The following FBXL13 variants were observed in gnomAD, a reference collection of about 807,000 sequenced individuals.
The protein encoded by FBXL13 is F-box and leucine rich repeat protein 13, also known as F-box and leucine-rich repeat protein 13.
In FBXL13, 67 loss-of-function variants were observed where a neutral mutation model predicts 83.6. The ratio of observed to expected loss-of-function variants is 0.80; its 90% CI spans 0.66 to 0.98. The LOEUF (loss-of-function observed/expected upper bound fraction) is 0.98, where lower values mean the gene tolerates loss of function less well. FBXL13 is among the 50% of genes least tolerant of loss of function. The pLI is 0.00. For missense variants in FBXL13, 822 were observed against 866.5 expected (o/e 0.95, Z 0.64); for synonymous variants, 272 against 299.5 (o/e 0.91, Z 0.95).
At chr7:103,041,181 G>A (rs1029389966) in intron 2 of FBXL13, among the ~76,000 whole-genome samples, 2 of 152,192 alleles carry the variant, frequency 1.3e-5, no homozygotes, top group African/African-American at 4.8e-5. Flanking sequence ...ACTACCATCA[G>A]AGAATACTGT....
intron 6 of FBXL13, among the ~76,000 whole-genome samples, chr7:103,024,229 TA>T (rs1394845516): frequency 6.7e-6 from 1 of 149,782 alleles, no homozygotes; most frequent in Non-Finnish European, 1.5e-5. Context: ...CATAAAGCTT[TA>T]AAATTTCTGT....
chr7:102,889,553 C>T (rs1415515724), intron 11 of FBXL13, among the ~76,000 whole-genome samples: 1 of 151,974 alleles, frequency 6.6e-6, no homozygotes, highest in Non-Finnish European at 1.5e-5. Flanking sequence ...TAATGCTATC[C>T]CTCCCCCAGT....
intron 1 of FBXL13, among the ~76,000 whole-genome samples, chr7:103,062,025 C>CCA (rs770788955): frequency 2.0e-5 from 2 of 99,800 alleles, no homozygotes; most frequent in African/African-American, 7.9e-5. Flanking sequence ...TCATAATTAC[C>CCA]AAAAAAAAAA....
intron 15 of FBXL13, 80 bp from the exon 17 acceptor site, chr7:102,877,673 G>T: frequency 1.4e-6 from 2 of 1,446,128 alleles, no homozygotes; most frequent in Non-Finnish European, 1.9e-6. Flanking sequence ...AAACTATCTT[G>T]GGAAAACAAA....
At chr7:103,003,487 A>C (rs1790653244) in intron 6 of FBXL13, among the ~76,000 whole-genome samples, 1 of 151,612 alleles carries the variant, frequency 6.6e-6, no homozygotes, top group South Asian at 2.1e-4. Context: ...GGGTTTCACC[A>C]TGTTGGTCAG....
chr7:102,951,698 TTAGG>T (rs1414975163), intron 8 of FBXL13, among the ~76,000 whole-genome samples: 2 of 150,668 alleles, frequency 1.3e-5, no homozygotes, highest in African/African-American at 4.9e-5. Flanking sequence ...TCCTAGCTAC[TTAGG>T]TGGGAGGTGG....
At chr7:102,949,843 C>A (rs1360940713) in intron 8 of FBXL13, among the ~76,000 whole-genome samples, 2 of 152,164 alleles carry the variant, frequency 1.3e-5, no homozygotes, top group African/African-American at 2.4e-5. Context: ...TGGTGGCTCA[C>A]ACCTGTAATC....
intron 1 of FBXL13, among the ~76,000 whole-genome samples, chr7:103,066,791 ATT>A (rs762824127): frequency 1.5e-4 from 21 of 137,594 alleles, no homozygotes; most frequent in Admixed American, 1.5e-4. Context: ...TTTTGTGAGG[ATT>A]TTTTTTTTTT....
At chr7:102,934,789 A>G in intron 8 of FBXL13, 1 of 1,048,820 alleles carries the variant, frequency 9.5e-7, no homozygotes, top group Non-Finnish European at 1.4e-6. Flanking sequence ...TCGTGATGTC[A>G]CTTCCACCAG....
chr7:103,035,515 C>G (rs1404183976), intron 2 of FBXL13, among the ~76,000 whole-genome samples: 1 of 152,022 alleles, frequency 6.6e-6, no homozygotes, highest in Non-Finnish European at 1.5e-5. Flanking sequence ...TTAACAGATA[C>G]CAAATTTATG....
At chr7:102,824,777 TGCCCG>T (rs1799339657) in intron 18 of FBXL13, among the ~76,000 whole-genome samples, 1 of 145,638 alleles carries the variant, frequency 6.9e-6, no homozygotes, top group African/African-American at 2.6e-5. Context: ...TGAGCCACCA[TGCCCG>T]GCCTTTTTTT....
intron 8 of FBXL13, among the ~76,000 whole-genome samples, chr7:102,935,242 C>CTTTTTTTTTTTTTTT (rs71106700): frequency 5.6e-4 from 43 of 76,418 alleles, no homozygotes; most frequent in East Asian, 1.6e-3. Context: ...TTTTTTCTTT[C>CTTTTTTTTTTTTTTT]TTTTTTTTTT....
At chr7:102,902,909 C>A (rs1270065437) in intron 11 of FBXL13, among the ~76,000 whole-genome samples, 1 of 151,282 alleles carries the variant, frequency 6.6e-6, no homozygotes, top group Admixed American at 6.6e-5. Flanking sequence ...TATTCTGGGT[C>A]TTTAGTCGTT....
intron 2 of FBXL13, among the ~76,000 whole-genome samples, chr7:103,042,962 A>T (rs948495447): frequency 3.3e-5 from 5 of 152,158 alleles, no homozygotes; most frequent in Admixed American, 3.3e-4. Context: ...AAGCCAAAAT[A>T]GACACATGAG....
At position 102,976,292 on chromosome 7, in the gene FBXL13, C is replaced by T. The variant is rs185916619; in HGVS notation, c.496-8175G>A. 868 of 677,508 alleles carry T rather than the reference C, an allele frequency of 1.3e-3. 2 individuals carry two copies. The highest frequency in any genetic ancestry group is 2.0e-3 in the Non-Finnish European group (734 of 372,832). The allele number at this position is 677,508 out of a possible 1,614,324, so 42.0% of individuals were successfully genotyped here. Reference sequence around the variant, plus strand: ...ACCTATTCTGCTTTCCCTAATTTTTCAGGACCCACCCAGTCCTCCCAAGTC... The same window carrying T: ...ACCTATTCTGCTTTCCCTAATTTTTTAGGACCCACCCAGTCCTCCCAAGTC... On this transcript the variant is annotated intron_variant, in intron 6 of 19. Coordinates refer to ENST00000313221, the Ensembl canonical transcript of FBXL13.
chr7:102,857,153 G>C (rs559036025), intron 16 of FBXL13, among the ~76,000 whole-genome samples: 42 of 152,250 alleles, frequency 2.8e-4, no homozygotes, highest in African/African-American at 8.4e-4. Flanking sequence ...CAGGGGGAAT[G>C]CTTCAGGGCA....
chr7:103,025,981 C>CTATATAATA (rs1268202679), intron 5 of FBXL13, among the ~76,000 whole-genome samples: 45 of 150,620 alleles, frequency 3.0e-4, no homozygotes, highest in Admixed American at 3.0e-3. Flanking sequence ...ACACAATTAA[C>CTATATAATA]TATATAATAT....
intron 6 of FBXL13, among the ~76,000 whole-genome samples, chr7:103,017,530 C>T (rs553957195): frequency 2.0e-5 from 3 of 152,184 alleles, no homozygotes; most frequent in African/African-American, 4.8e-5. Context: ...CTTCTCCAAG[C>T]TAAAGAGGAA....
chr7:103,007,463 A>G (rs998775816), intron 6 of FBXL13, among the ~76,000 whole-genome samples: 23 of 151,684 alleles, frequency 1.5e-4, no homozygotes, highest in Non-Finnish European at 2.9e-4. Context: ...GAATAAACTT[A>G]AAAAAACCTG....
Sources: allele counts gnomAD v4.1 joint callset (sites outside exome capture counted in the v4.1 genomes callset), GRCh38; gene constraint gnomAD v4.1.1; transcripts MANE v1.5; gene names NCBI Gene and HGNC (gene_info 2026-07-23, HGNC 2026-07-21).